Variants in PDE4D observed in about 807,000 individuals in gnomAD.
The protein encoded by PDE4D is 3',5'-cyclic-AMP phosphodiesterase 4D.
A neutral mutation model predicts 87.4 loss-of-function variants in PDE4D; 24 were observed. The observed-to-expected ratio is 0.27, with a 90% CI of 0.20 to 0.39. The LOEUF is 0.39. Ranked by LOEUF, PDE4D falls within the 10% of genes least tolerant of loss-of-function variation. The pLI is 1.00. For missense variants in PDE4D, 714 were observed against 1,041.0 expected (o/e 0.69, Z 4.32); for synonymous variants, 384 against 383.2 (o/e 1.00, Z -0.02).
At chr5:59,948,487 A>G (rs1202829234) in intron 3 of PDE4D, among the ~76,000 whole-genome samples, 2 of 152,226 alleles carry the variant, frequency 1.3e-5, no homozygotes, top group African/African-American at 4.8e-5. Flanking sequence ...TTCTAATTTT[A>G]TGCTGAGAAT....
intron 2 of PDE4D, among the ~76,000 whole-genome samples, chr5:60,096,751 T>C (rs1775717826): frequency 6.6e-6 from 1 of 152,110 alleles, no homozygotes; most frequent in Non-Finnish European, 1.5e-5. Context: ...TGAAAGCTAA[T>C]GACTGAGGCA....
chr5:59,216,701 T>C (rs778622192), intron 1 of PDE4D: 79 of 155,108 alleles, frequency 5.1e-4, no homozygotes, highest in Middle Eastern at 3.4e-3. Context: ...GCTCAACTCA[T>C]ATTGAGGCAC....
At chr5:59,426,821 A>T (rs931839287) in intron 1 of PDE4D, among the ~76,000 whole-genome samples, 19 of 152,174 alleles carry the variant, frequency 1.2e-4, no homozygotes, top group African/African-American at 4.6e-4. Context: ...ACATTATAGC[A>T]AGACAACAGA....
intron 2 of PDE4D, among the ~76,000 whole-genome samples, chr5:59,207,512 T>C (rs550373788): frequency 1.8e-4 from 28 of 152,118 alleles, no homozygotes; most frequent in Non-Finnish European, 3.7e-4. Context: ...TCTTCAAACT[T>C]TCCTTATTTT....
chr5:59,856,813 A>C (rs1745513448), intron 1 of PDE4D, among the ~76,000 whole-genome samples: 1 of 152,136 alleles, frequency 6.6e-6, no homozygotes. Context: ...CATTTTTTCA[A>C]ACTTTTACAT....
intron 1 of PDE4D, among the ~76,000 whole-genome samples, chr5:59,331,223 A>G (rs1011044547): frequency 6.6e-6 from 1 of 152,214 alleles, no homozygotes; most frequent in Non-Finnish European, 1.5e-5. Context: ...ACAAAATACC[A>G]CAGACTTAGG....
intron 1 of PDE4D, among the ~76,000 whole-genome samples, chr5:60,433,567 T>C (rs747101689): frequency 2.0e-5 from 3 of 152,198 alleles, no homozygotes; most frequent in Non-Finnish European, 2.9e-5. Context: ...AGTCCTATTA[T>C]TGGGTATGTA....
intron 1 of PDE4D, among the ~76,000 whole-genome samples, chr5:59,689,599 CCCACAGCCAATAT>C (rs1250414025): frequency 6.6e-6 from 1 of 152,116 alleles, no homozygotes; most frequent in East Asian, 1.9e-4. Flanking sequence ...TTATGACAAA[CCCACAGCCAATAT>C]CATACTGAAT....
chr5:59,729,006 C>T (rs779784604), intron 1 of PDE4D, among the ~76,000 whole-genome samples: 1 of 152,022 alleles, frequency 6.6e-6, no homozygotes, highest in East Asian at 1.9e-4. Flanking sequence ...AAATGTCATC[C>T]TATCCCTACA....
intron 1 of PDE4D, among the ~76,000 whole-genome samples, chr5:59,484,023 G>T (rs1008709521): frequency 6.6e-6 from 1 of 152,228 alleles, no homozygotes; most frequent in African/African-American, 2.4e-5. Context: ...ACAATTTATT[G>T]TGACTTGGGG....
chr5:59,553,994 G>A (rs1187617621), intron 1 of PDE4D, among the ~76,000 whole-genome samples: 2 of 152,114 alleles, frequency 1.3e-5, no homozygotes, highest in Non-Finnish European at 2.9e-5. Flanking sequence ...CATAATGCTA[G>A]ATGTTATACA....
intron 1 of PDE4D, among the ~76,000 whole-genome samples, chr5:60,520,231 A>G (rs1750975519): frequency 1.3e-5 from 2 of 151,858 alleles, no homozygotes; most frequent in Middle Eastern, 6.8e-3. Context: ...GTTCCTTCTC[A>G]CCTCCTTTCT....
intron 1 of PDE4D, among the ~76,000 whole-genome samples, chr5:60,322,479 C>T (rs942152901): frequency 6.6e-6 from 1 of 151,884 alleles, no homozygotes; most frequent in Non-Finnish European, 1.5e-5. Flanking sequence ...TTTCTTGTCC[C>T]CTCACCTTCA....
At chr5:60,091,320 A>C (rs1775085292) in intron 2 of PDE4D, among the ~76,000 whole-genome samples, 1 of 152,214 alleles carries the variant, frequency 6.6e-6, no homozygotes. Flanking sequence ...AAAGCAGAGA[A>C]GGATATGAAT....
intron 1 of PDE4D, among the ~76,000 whole-genome samples, chr5:59,270,345 TAGGA>T (rs1301786919): frequency 3.3e-5 from 5 of 152,072 alleles, no homozygotes; most frequent in African/African-American, 1.2e-4. Flanking sequence ...ATAGAAGAAA[TAGGA>T]AGGAAGATTG....
intron 1 of PDE4D, among the ~76,000 whole-genome samples, chr5:60,301,963 G>A (rs1234005699): frequency 6.6e-6 from 1 of 151,998 alleles, no homozygotes; most frequent in African/African-American, 2.4e-5. Flanking sequence ...TTTTTTATAG[G>A]ATGAATAATA....
At chr5:59,755,539 T>C (rs1165205932) in intron 1 of PDE4D, among the ~76,000 whole-genome samples, 3 of 152,136 alleles carry the variant, frequency 2.0e-5, no homozygotes, top group Admixed American at 6.5e-5. Flanking sequence ...AAGAAGGCTT[T>C]ATTAAAGGAA....
intron 2 of PDE4D, among the ~76,000 whole-genome samples, chr5:60,060,199 C>T (rs1771240888): frequency 6.6e-6 from 1 of 151,968 alleles, no homozygotes; most frequent in Admixed American, 6.6e-5. Context: ...TTCTCCATCC[C>T]CCAGTAGATA....
chr5:60,119,671 T>C (rs1191803363), intron 2 of PDE4D, among the ~76,000 whole-genome samples: 1 of 152,194 alleles, frequency 6.6e-6, no homozygotes, highest in Non-Finnish European at 1.5e-5. Context: ...AATGAGTTAA[T>C]AGATATGAAA....
Sources: gnomAD v4.1 joint callset for allele counts (sites outside exome capture counted in the v4.1 genomes callset) on GRCh38, gnomAD v4.1.1 for gene constraint, MANE v1.5 for transcripts, NCBI Gene and HGNC (gene_info 2026-07-23, HGNC 2026-07-21) for gene names.